MUTYH: variants seen among roughly 807,000 people sequenced by gnomAD.
The protein encoded by MUTYH is mutY DNA glycosylase.
MUTYH carries 64 observed loss-of-function variants against 72.9 expected under a neutral mutation model. The observed-to-expected ratio is 0.88, with a 90% CI of 0.72 to 1.08. The LOEUF (loss-of-function observed/expected upper bound fraction) is 1.08, where lower values mean the gene tolerates loss of function less well. MUTYH is among the 50% of genes least tolerant of loss of function. The pLI is 0.00. For synonymous variants in MUTYH, 234 were observed against 263.1 expected, an observed-to-expected ratio of 0.89 and a Z score of 1.07; for missense variants, 633 against 671.0, an observed-to-expected ratio of 0.94 and a Z score of 0.63.
intron 4 of MUTYH, 36 bp from the exon 5 acceptor site, chr1:45,333,206 C>A: frequency 1.2e-6 from 2 of 1,614,162 alleles, no homozygotes; most frequent in Non-Finnish European, 1.7e-6. Context: ...ACACTGCTGA[C>A]CTGCCCCTAC....
chr1:45,337,456 G>A (rs1370583793), intron 1 of MUTYH, among the ~76,000 whole-genome samples: 1 of 151,974 alleles, frequency 6.6e-6, no homozygotes, highest in Non-Finnish European at 1.5e-5. Context: ...GGCGCCTGGT[G>A]ACACCCCATT....
chr1:45,331,909 A>G (rs770565245), intron 11 of MUTYH, 60 bp from the exon 12 acceptor site: 3 of 1,609,976 alleles, frequency 1.9e-6, no homozygotes, highest in Admixed American at 3.4e-5. Flanking sequence ...GCCAACCTAG[A>G]GAGTGGGCTT....
In MUTYH at chr1:45,332,553, G is replaced by T. The variant is rs148552450; in HGVS notation, c.606+21C>A. 7.6e-3 allele frequency: 12,281 copies of T among 1,613,888 alleles called. 74 individuals carry two copies. The highest frequency in any genetic ancestry group is 8.1e-3 in the Non-Finnish European group (9,535 of 1,179,900). Reference sequence around the variant, plus strand: ...GAAGGAGGCTGGGCACGCACAAAGTGGGGGTGGGCTGTGAGATCACCTGGC... The same window carrying T: ...GAAGGAGGCTGGGCACGCACAAAGTTGGGGTGGGCTGTGAGATCACCTGGC... On this transcript the variant is annotated intron_variant, in intron 8 of 15. Transcript: ENST00000456914.
At chr1:45,329,693 G>A (rs1311082445) in intron 15 of MUTYH, among the ~76,000 whole-genome samples, 4 of 152,020 alleles carry the variant, frequency 2.6e-5, no homozygotes, top group African/African-American at 4.8e-5. Flanking sequence ...AGCAGCCTAG[G>A]GCTCACACCC....
upstream of MUTYH, chr1:45,340,007 G>C (rs901016018): frequency 2.6e-6 from 4 of 1,539,216 alleles, no homozygotes; most frequent in Non-Finnish European, 1.8e-6. Context: ...CCGGCTTTCC[G>C]GCGCACTCCA....
rs1279249790 is a variant in MUTYH at position 45,338,483 on chromosome 1, A to G, written c.-7+1416T>C. 8 of 354,322 alleles carry G rather than the reference A, an allele frequency of 2.3e-5. No individual in the cohort carries two copies. In the South Asian group the frequency reaches 2.6e-4, roughly 11 times the overall value. The allele number at this position is 354,322 out of a possible 1,614,324, so 21.9% of individuals were successfully genotyped here. A position where few individuals can be genotyped will look rare whatever the true frequency, so the allele number is the denominator to read the frequency against. ...AGGTCCCCTCATCTTATCCTATCAC[A>G]TATTTCTGCCTTGTAGCTCTTACCT... On this transcript the variant is annotated intron_variant, in intron 1 of 15. Transcript: ENST00000456914.
intron 1 of MUTYH, 48 bp downstream of exon 1, chr1:45,339,851 G>A (rs1468871895): frequency 7.4e-7 from 1 of 1,343,614 alleles, no homozygotes; most frequent in East Asian, 4.5e-5. Context: ...CTCAGGCAGC[G>A]TCACCTTCTC....
intron 1 of MUTYH, among the ~76,000 whole-genome samples, chr1:45,334,851 T>TGTCTGTTTAGGTGTG (rs1271975244): frequency 6.6e-6 from 1 of 152,070 alleles, no homozygotes; most frequent in Non-Finnish European, 1.5e-5. Flanking sequence ...TGGATAGGGG[T>TGTCTGTTTAGGTGTG]TGTTTAGGTG....
At chr1:45,340,075 T>C (rs1646771781), upstream of MUTYH, 2 of 1,544,466 alleles carry the variant, frequency 1.3e-6, no homozygotes, top group African/African-American at 1.4e-5. Flanking sequence ...CAATAGGCAA[T>C]TAGCGCGCGC....
upstream of MUTYH, chr1:45,340,092 G>C: frequency 6.5e-7 from 1 of 1,548,712 alleles, no homozygotes; most frequent in Non-Finnish European, 8.7e-7. Context: ...GCGCCAGGCT[G>C]CCTTCCCCGC....
intron 4 of MUTYH, 41 bp downstream of exon 4, chr1:45,333,244 C>T: frequency 6.2e-7 from 1 of 1,614,142 alleles, no homozygotes. Context: ...GACCCAAGGG[C>T]CTCGAGGCAA....
chr1:45,330,480 G>C, intron 15 of MUTYH, 36 bp downstream of exon 15: 1 of 1,597,506 alleles, frequency 6.3e-7, no homozygotes, highest in African/African-American at 1.3e-5. Flanking sequence ...ACTCAGGCCT[G>C]GGGAGACACG....
At chr1:45,339,567 G>A (rs1359245131) in intron 1 of MUTYH, 1 of 334,230 alleles carries the variant, frequency 3.0e-6, no homozygotes, top group Non-Finnish European at 5.9e-6. Flanking sequence ...CCGCCTAGCT[G>A]CTTCACAATT....
At position 45,333,478 on chromosome 1, in the gene MUTYH, CTG is replaced by C; in HGVS notation, c.197_198del (p.Thr66SerfsTer26). On this transcript the variant is annotated frameshift_variant, in exon 3 of 16. Coordinates refer to ENST00000456914, the MANE Select transcript of MUTYH (RefSeq NM_001048174.2). LOFTEE classifies it high-confidence loss of function. ...YHLFRDVAEV[T>X]AFRGSLLSWY... ...CAGCTTAGCAGGCTCCCTCGGAAGG[CTG>C]TGACTTCAGCTACGTCTCTGAATAG... The C allele has an allele frequency of 6.2e-7, 1 of 1,614,220 alleles. No individual in the cohort carries two copies. Among genetic ancestry groups the C allele is most frequent in the East Asian group, 2.2e-5 (1 of 44,886 alleles).
intron 1 of MUTYH, among the ~76,000 whole-genome samples, chr1:45,339,205 A>AT (rs60609540): frequency 0.22 from 25,564 of 118,206 alleles, 3,945 homozygotes; most frequent in African/African-American, 0.37. Context: ...TCCAATAGGA[A>AT]TTTTTTTTTT....
chr1:45,335,657 G>A (rs1242464376), intron 1 of MUTYH, among the ~76,000 whole-genome samples: 1 of 152,036 alleles, frequency 6.6e-6, no homozygotes, highest in African/African-American at 2.4e-5. Flanking sequence ...AGGAGTTCGA[G>A]ACCAGCCTGG....
At chr1:45,339,618 G>A (rs963531958) in intron 1 of MUTYH, 2 of 352,930 alleles carry the variant, frequency 5.7e-6, no homozygotes, top group African/African-American at 2.2e-5. Context: ...CTTAATTCAA[G>A]TTCACATTAT....
rs1553129676 is a variant in MUTYH, at chr1:45,333,164, A to AC, written c.310dup (p.Val104GlyfsTer121). 3 of 1,614,054 alleles carry AC rather than the reference A, an allele frequency of 1.9e-6. No individual in the cohort carries two copies. Among genetic ancestry groups the AC allele is most frequent in the Non-Finnish European group, 1.7e-6 (2 of 1,179,990 alleles). ...GGTCTGCTGCAGCATGACCTCTGAGACCCACACTGGGGGAAAGGGGTTGGC... is the reference window on the plus strand; with the variant it reads ...GGTCTGCTGCAGCATGACCTCTGAGACCCCACACTGGGGGAAAGGGGTTGGC... On this transcript the variant is annotated frameshift_variant, in exon 5 of 16. Coordinates refer to ENST00000456914, the MANE Select transcript of MUTYH (RefSeq NM_001048174.2). LOFTEE classifies it high-confidence loss of function.
At position 45,332,084 on chromosome 1, in the gene MUTYH, C is replaced by T. The variant is rs751875215; in HGVS notation, c.852G>A (p.Val284=). The T allele has an allele frequency of 2.8e-5, 46 of 1,614,212 alleles. No individual in the cohort carries two copies. The highest frequency in any genetic ancestry group is 1.6e-4 in the Middle Eastern group (1 of 6,062). The change falls in exon 11 of 16, where the codon GTG becomes GTA. Residue 284 remains valine, a splice_region_variant and synonymous_variant. Transcript: ENST00000456914. ...CTGAGGCTAAGAGCTGTTCCTGCTCCACCTGAGAGGCACAGGGTTGAGTGT... is the reference window on the plus strand; with the variant it reads ...CTGAGGCTAAGAGCTGTTCCTGCTCTACCTGAGAGGCACAGGGTTGAGTGT... ...VESLCRARQR[V]EQEQLLASGS...
Sources: gnomAD v4.1 joint callset for allele counts (sites outside exome capture counted in the v4.1 genomes callset) on GRCh38, gnomAD v4.1.1 for gene constraint, MANE v1.5 for transcripts, NCBI Gene and HGNC (gene_info 2026-07-23, HGNC 2026-07-21) for gene names.